The following NMT2 variants were observed in gnomAD, a reference collection of about 807,000 sequenced individuals.
NMT2 encodes glycylpeptide N-tetradecanoyltransferase 2.
In NMT2, 35 loss-of-function variants were observed where a neutral mutation model predicts 65.4. The ratio of observed to expected loss-of-function variants is 0.54; its 90% confidence interval spans 0.41 to 0.71. The LOEUF (loss-of-function observed/expected upper bound fraction) is 0.71. Among genes scored for constraint, NMT2 ranks in the 30% least tolerant of loss-of-function variants. The pLI is 0.00. For missense variants in NMT2, 489 were observed against 611.3 expected (o/e 0.80, Z 2.11); for synonymous variants, 226 against 231.8 (o/e 0.98, Z 0.23).
At chr10:15,147,496 T>C (rs1847007607) in intron 1 of NMT2, among the ~76,000 whole-genome samples, 1 of 151,864 alleles carries the variant, frequency 6.6e-6, no homozygotes, top group African/African-American at 2.4e-5. Flanking sequence ...TAACAACCCA[T>C]GATAGTAAAG....
intron 9 of NMT2, among the ~76,000 whole-genome samples, chr10:15,113,897 T>C (rs1845658668): frequency 6.6e-6 from 1 of 152,226 alleles, no homozygotes; most frequent in South Asian, 2.1e-4. Context: ...TAGCCAGTAT[T>C]GTTCGGGTTG....
intron 8 of NMT2, among the ~76,000 whole-genome samples, chr10:15,128,022 G>A (rs965965855): frequency 6.6e-6 from 1 of 152,102 alleles, no homozygotes; most frequent in African/African-American, 2.4e-5. Context: ...GAGTTCCAAC[G>A]CATTAAGAGA....
At position 15,107,680 on chromosome 10, in the gene NMT2, C is replaced by T. The variant is rs2131448379; in HGVS notation, c.*1515G>A. The T allele has an allele frequency of 2.7e-6, 2 of 749,348 alleles. No homozygotes were observed. Among genetic ancestry groups the T allele is most frequent in the African/African-American group, 1.9e-5 (1 of 52,066 alleles). 46.4% of individuals were successfully genotyped at this position (749,348 alleles called of 1,614,324 possible). A position where few individuals can be genotyped will look rare whatever the true frequency, so the allele number is the denominator to read the frequency against. Reference sequence around the variant, plus strand: ...ATGTTGGCCAGGCTGGTCTCGAACCCCTGACCTCAAATGTTTCGCCCGCCT... The same window carrying T: ...ATGTTGGCCAGGCTGGTCTCGAACCTCTGACCTCAAATGTTTCGCCCGCCT... On this transcript the variant is annotated 3_prime_UTR_variant, in exon 12 of 12. Coordinates refer to ENST00000378165, the MANE Select transcript of NMT2 (RefSeq NM_004808.3).
intron 2 of NMT2, among the ~76,000 whole-genome samples, chr10:15,135,884 G>C (rs759381147): frequency 6.6e-6 from 1 of 150,798 alleles, no homozygotes; most frequent in Non-Finnish European, 1.5e-5. Flanking sequence ...GGGGAGGGGA[G>C]GGAAAGAAGA....
chr10:15,153,463 T>TG (rs1337089013), intron 1 of NMT2, among the ~76,000 whole-genome samples: 1 of 152,156 alleles, frequency 6.6e-6, no homozygotes, highest in Non-Finnish European at 1.5e-5. Context: ...GAGCTGCCTA[T>TG]GGGGGAGAAG....
intron 8 of NMT2, among the ~76,000 whole-genome samples, chr10:15,126,492 A>G (rs1428785728): frequency 1.3e-5 from 2 of 151,848 alleles, no homozygotes; most frequent in East Asian, 3.9e-4. Context: ...TCACCTGCAT[A>G]GGGTTCTGAC....
intron 7 of NMT2, among the ~76,000 whole-genome samples, 173 bp from the exon 8 acceptor site, chr10:15,128,631 A>C (rs559629857): frequency 1.3e-5 from 2 of 152,362 alleles, no homozygotes; most frequent in African/African-American, 4.8e-5. Context: ...TCTAAAATAC[A>C]TCTTATACTC....
At chr10:15,167,181 TAAA>T (rs10612190) in intron 1 of NMT2, among the ~76,000 whole-genome samples, 4 of 150,222 alleles carry the variant, frequency 2.7e-5, no homozygotes, top group African/African-American at 9.7e-5. Context: ...TTCCTCTCTT[TAAA>T]AAAAAAAATA....
chr10:15,121,510 G>A (rs111496848), intron 8 of NMT2, among the ~76,000 whole-genome samples: 10,672 of 152,220 alleles, frequency 0.07, 656 homozygotes, highest in African/African-American at 0.17. Context: ...TGGGATTACA[G>A]GCACCTGCCA....
chr10:15,121,493 G>C (rs751896028), intron 8 of NMT2, among the ~76,000 whole-genome samples: 10 of 152,150 alleles, frequency 6.6e-5, no homozygotes, highest in Non-Finnish European at 1.3e-4. Flanking sequence ...TCAGGCTCCC[G>C]AGTAACTGGG....
At chr10:15,143,477 A>G (rs1240184580) in intron 1 of NMT2, among the ~76,000 whole-genome samples, 1 of 152,256 alleles carries the variant, frequency 6.6e-6, no homozygotes, top group Non-Finnish European at 1.5e-5. Context: ...AGAGAGATAC[A>G]GAATAAAAGG....
chr10:15,119,278 C>G (rs1052609370), intron 9 of NMT2, 65 bp downstream of exon 9: 1 of 1,429,228 alleles, frequency 7.0e-7, no homozygotes, highest in African/African-American at 1.4e-5. Flanking sequence ...GTAAATAATT[C>G]TGCTGCACGC....
chr10:15,120,095 G>T (rs1023591865), intron 8 of NMT2, among the ~76,000 whole-genome samples: 1 of 152,186 alleles, frequency 6.6e-6, no homozygotes, highest in Non-Finnish European at 1.5e-5. Flanking sequence ...TCTTAAAAAT[G>T]CAGTGTAACA....
chr10:15,135,452 G>A (rs1846447917), intron 2 of NMT2, 34 bp from the exon 3 acceptor site: 2 of 1,604,158 alleles, frequency 1.2e-6, no homozygotes, highest in South Asian at 1.1e-5. Context: ...GAATATGAGA[G>A]AGCGGCTGCT....
At chr10:15,127,502 C>G (rs185924329) in intron 8 of NMT2, among the ~76,000 whole-genome samples, 15,636 of 131,792 alleles carry the variant, frequency 0.12, 2,780 homozygotes, top group African/African-American at 0.39. Context: ...AGCCGAGATC[C>G]CGCCACTGCA....
intron 8 of NMT2, among the ~76,000 whole-genome samples, chr10:15,127,910 A>T (rs111510985): frequency 3.3e-5 from 5 of 152,282 alleles, no homozygotes; most frequent in Non-Finnish European, 7.3e-5. Context: ...AAAAAAAAAA[A>T]AATGACAACT....
chr10:15,130,854 A>G (rs1330071855), intron 6 of NMT2, among the ~76,000 whole-genome samples: 1 of 145,454 alleles, frequency 6.9e-6, no homozygotes. Context: ...CAATGGCGCA[A>G]TCTTGGCTCA....
chr10:15,157,926 A>G (rs1833055477), intron 1 of NMT2, among the ~76,000 whole-genome samples: 2 of 152,194 alleles, frequency 1.3e-5, no homozygotes, highest in East Asian at 3.8e-4. Flanking sequence ...AGATAGACTT[A>G]AAAGCTAAGT....
At chr10:15,163,733 T>C (rs558650461) in intron 1 of NMT2, among the ~76,000 whole-genome samples, 5 of 152,328 alleles carry the variant, frequency 3.3e-5, no homozygotes, top group Admixed American at 3.3e-4. Flanking sequence ...TGAAGTCAGA[T>C]ACAACAACAT....
Sources: gnomAD v4.1 joint callset for allele counts (sites outside exome capture counted in the v4.1 genomes callset) on GRCh38, gnomAD v4.1.1 for gene constraint, MANE v1.5 for transcripts, NCBI Gene and HGNC (gene_info 2026-07-23, HGNC 2026-07-21) for gene names.